The following CFAP61 variants were observed in gnomAD, a reference collection of about 807,000 sequenced individuals.
CFAP61 encodes cilia and flagella associated protein 61, also known as cilia- and flagella-associated protein 61.
CFAP61 carries 107 observed loss-of-function variants against 135.6 expected under a neutral mutation model. The observed-to-expected ratio is 0.79, with a 90% CI of 0.67 to 0.93. The LOEUF (loss-of-function observed/expected upper bound fraction) is 0.93. Among genes scored for constraint, CFAP61 ranks in the 40% least tolerant of loss-of-function variants. The probability of loss-of-function intolerance (pLI) is 0.00; values close to 1 mark genes in which losing one functional copy is unlikely to be tolerated. For synonymous variants in CFAP61, 575 were observed against 578.5 expected, an observed-to-expected ratio of 0.99 and a Z score of 0.09; for missense variants, 1,507 against 1,556.2, an observed-to-expected ratio of 0.97 and a Z score of 0.53.
At chr20:20,323,816 T>C (rs1372621900) in intron 25 of CFAP61, among the ~76,000 whole-genome samples, 1 of 152,250 alleles carries the variant, frequency 6.6e-6, no homozygotes, top group African/African-American at 2.4e-5. Context: ...TGTCCTTTCA[T>C]ATTTTTCTCT....
intron 21 of CFAP61, among the ~76,000 whole-genome samples, chr20:20,270,920 C>G (rs1426026487): frequency 6.6e-6 from 1 of 152,200 alleles, no homozygotes; most frequent in Non-Finnish European, 1.5e-5. Flanking sequence ...GATCTGCCAG[C>G]CTCAACCTTT....
chr20:20,196,838 T>A (rs1333839979), intron 16 of CFAP61, 62 bp downstream of exon 16: 16 of 1,362,174 alleles, frequency 1.2e-5, no homozygotes, highest in Non-Finnish European at 1.7e-5. Flanking sequence ...GTTGGTGTTG[T>A]ACGCCGCATT....
chr20:20,156,277 T>A (rs1395243275), intron 9 of CFAP61, among the ~76,000 whole-genome samples: 1 of 152,150 alleles, frequency 6.6e-6, no homozygotes, highest in Non-Finnish European at 1.5e-5. Context: ...TCGGTGTAAT[T>A]CACCATTTTA....
intron 14 of CFAP61, among the ~76,000 whole-genome samples, chr20:20,191,016 G>T (rs189327220): frequency 7.9e-5 from 12 of 152,182 alleles, no homozygotes; most frequent in African/African-American, 2.9e-4. Flanking sequence ...TTGCTTGGGA[G>T]GCTGAGGCGC....
chr20:20,069,860 T>C, intron 2 of CFAP61: 1 of 415,088 alleles, frequency 2.4e-6, no homozygotes, highest in Admixed American at 2.7e-5. Context: ...TTCCTCCAGT[T>C]ACATGCTTGC....
At chr20:20,309,138 C>G (rs1423957037) in intron 25 of CFAP61, among the ~76,000 whole-genome samples, 4 of 152,194 alleles carry the variant, frequency 2.6e-5, no homozygotes, top group African/African-American at 9.7e-5. Flanking sequence ...TAGGGATTCA[C>G]AGGTGCAGCA....
chr20:20,070,035 G>T (rs192775627), intron 2 of CFAP61: 2 of 259,150 alleles, frequency 7.7e-6, no homozygotes, highest in Non-Finnish European at 1.5e-5. Flanking sequence ...TTCTTGGGGT[G>T]GTAAACTATA....
intron 25 of CFAP61, among the ~76,000 whole-genome samples, chr20:20,329,474 T>G (rs1205598837): frequency 6.6e-6 from 1 of 152,162 alleles, no homozygotes; most frequent in Non-Finnish European, 1.5e-5. Flanking sequence ...GTGTCTCCAG[T>G]CATCTGCTGC....
At chr20:20,108,057 A>G (rs2146661871) in intron 8 of CFAP61, among the ~76,000 whole-genome samples, 1 of 152,296 alleles carries the variant, frequency 6.6e-6, no homozygotes, top group South Asian at 2.1e-4. Flanking sequence ...ACTTCCCTAA[A>G]ACTGAAATGC....
chr20:20,214,630 T>C (rs568896824), intron 17 of CFAP61, among the ~76,000 whole-genome samples: 1 of 152,342 alleles, frequency 6.6e-6, no homozygotes, highest in Admixed American at 6.5e-5. Context: ...TGAAGATGCA[T>C]GGTCTTGACA....
intron 9 of CFAP61, among the ~76,000 whole-genome samples, chr20:20,155,940 A>G (rs919290578): frequency 1.3e-5 from 2 of 152,220 alleles, no homozygotes; most frequent in Non-Finnish European, 2.9e-5. Flanking sequence ...GTGGAAAAGA[A>G]GTCATTATAT....
At chr20:20,152,276 C>A (rs1166472098) in intron 9 of CFAP61, among the ~76,000 whole-genome samples, 1 of 151,774 alleles carries the variant, frequency 6.6e-6, no homozygotes, top group Non-Finnish European at 1.5e-5. Flanking sequence ...AAGCATAAAT[C>A]TCACAGGGCC....
chr20:20,277,552 G>A (rs1342176780), intron 22 of CFAP61, 94 bp downstream of exon 22: 3 of 1,330,624 alleles, frequency 2.3e-6, no homozygotes, highest in East Asian at 2.3e-5. Flanking sequence ...CAGTGAATTT[G>A]TAGTACCAGA....
intron 15 of CFAP61, among the ~76,000 whole-genome samples, chr20:20,195,246 T>C (rs1379117569): frequency 6.6e-6 from 1 of 152,190 alleles, no homozygotes; most frequent in Non-Finnish European, 1.5e-5. Context: ...ACAGTTTTCA[T>C]GGATTTGCTG....
chr20:20,253,478 CA>C (rs1449984221), intron 20 of CFAP61: 1 of 322,144 alleles, frequency 3.1e-6, no homozygotes, highest in Non-Finnish European at 6.5e-6. Context: ...AGTCTGGCCA[CA>C]CATCTTGGGT....
rs528463787 is a variant in CFAP61, at chr20:20,309,418, C to T, written c.3422+11032C>T. The stretch of plus-strand genomic sequence containing the variant: ...TCCTAGAAATAAGACCTGCAGCAAG[C>T]TTGCAGACAGCACAGCTCTCCTTCC... On this transcript the variant is annotated intron_variant, in intron 25 of 26. Transcript: ENST00000245957. 5.1e-4 allele frequency among the ~76,000 whole-genome samples: 78 copies of T among 152,266 alleles called. 1 individual carries two copies. In the South Asian group the frequency reaches 0.016, roughly 31 times the overall value.
chr20:20,280,622 T>C (rs1003067695), intron 22 of CFAP61, among the ~76,000 whole-genome samples: 1 of 152,238 alleles, frequency 6.6e-6, no homozygotes, highest in African/African-American at 2.4e-5. Flanking sequence ...TTTTTATGGC[T>C]AAGTAGTATT....
intron 22 of CFAP61, among the ~76,000 whole-genome samples, chr20:20,284,189 C>A (rs6046782): frequency 6.6e-6 from 1 of 151,534 alleles, no homozygotes; most frequent in Non-Finnish European, 1.5e-5. Context: ...TTTTCTGTTC[C>A]CCCTTGCCTG....
At chr20:20,076,221 A>G (rs188323885) in intron 6 of CFAP61, among the ~76,000 whole-genome samples, 1 of 152,338 alleles carries the variant, frequency 6.6e-6, no homozygotes, top group East Asian at 1.9e-4. Context: ...TTTGACCAGT[A>G]GACCGTGGCC....
Sources: gnomAD v4.1 joint callset for allele counts (sites outside exome capture counted in the v4.1 genomes callset) on GRCh38, gnomAD v4.1.1 for gene constraint, MANE v1.5 for transcripts, NCBI Gene and HGNC (gene_info 2026-07-23, HGNC 2026-07-21) for gene names.